The following TCEAL2 variants were observed in gnomAD, a reference collection of about 807,000 sequenced individuals.
TCEAL2 encodes transcription elongation factor A like 2, also known as transcription elongation factor A protein-like 2.
For synonymous variants in TCEAL2, 65 were observed against 57.9 expected, an observed-to-expected ratio of 1.12 and a Z score of -0.55; for missense variants, 169 against 166.6, an observed-to-expected ratio of 1.01 and a Z score of -0.08.
In TCEAL2 at chrX:102,126,422, G is replaced by A. The variant is rs150241369; in HGVS notation, c.-51G>A. 3,904 of 1,096,473 alleles carry A rather than the reference G, an allele frequency of 3.6e-3. 95 individuals are homozygous for A. The African/African-American group carries it at 0.064, about 18-fold the overall frequency. The allele number at this position is 1,096,473 out of a possible 1,213,427, so 90.4% of individuals were successfully genotyped here. A position where few individuals can be genotyped will look rare whatever the true frequency, so the allele number is the denominator to read the frequency against. ...GCTCTGAGAGGCCTGAAAAGGAAGA[G>A]CAACCTGTCCAGAATCCCCGCAGGT... On this transcript the variant is annotated 5_prime_UTR_variant, in exon 2 of 3. Transcript: ENST00000372780.
At position 102,127,452 on chromosome X, in the gene TCEAL2, A is replaced by G; in HGVS notation, c.622A>G (p.Arg208Gly). The G allele has an allele frequency of 8.3e-7, 1 of 1,200,254 alleles. No individual in the cohort carries two copies. The highest frequency in any genetic ancestry group is 1.1e-6 in the Non-Finnish European group (1 of 891,371). The change falls in exon 3 of 3, where the codon AGG (arginine) becomes GGG (glycine). Residue 208 changes from arginine to glycine, a missense_variant. Arg to Gly is a moderately radical substitution (Grantham distance 125). Coordinates refer to ENST00000372780, the MANE Select transcript of TCEAL2 (RefSeq NM_080390.4). ...LQDPFYPRGP[R>G]EFRGGCRAPR... ...GGACCCCTTCTATCCTAGGGGTCCAAGGGAATTCAGGGGTGGCTGCAGGGC... is the reference window on the plus strand; with the variant it reads ...GGACCCCTTCTATCCTAGGGGTCCAGGGGAATTCAGGGGTGGCTGCAGGGC...
chrX:102,126,149 G>C, intron 1 of TCEAL2: 1 of 339,040 alleles, frequency 2.9e-6, no homozygotes, highest in African/African-American at 2.6e-5. Context: ...ATGAGGTGGC[G>C]CTGGGGCAGG....
At chrX:102,125,898 G>C (rs1201571722) in intron 1 of TCEAL2, 92 bp downstream of exon 1, 1 of 108,399 alleles carries the variant, frequency 9.2e-6, no homozygotes, top group Non-Finnish European at 1.9e-5. Flanking sequence ...GAAGGGATCC[G>C]GTAGATTGGG....
Position 102,126,935 on chromosome X carries a change from T to G in TCEAL2, c.105T>G (p.Ile35Met). 1 of 1,211,906 alleles carries G rather than the reference T, an allele frequency of 8.3e-7. No homozygotes were observed. The highest frequency in any genetic ancestry group is 1.1e-6 in the Non-Finnish European group (1 of 895,492). ...AGGGAAAGCCAGAAGTAGCTTGTAT[T>G]CTGGAAGACAAGAAGTTAGAAAACG... ...PHEGKPEVAC[I>M]LEDKKLENEG... The change falls in exon 3 of 3, where the codon ATT becomes ATG. Residue 35 changes from isoleucine (I) to methionine (M), a missense_variant. Transcript: ENST00000372780.
In TCEAL2 at chrX:102,127,039, C is replaced by A; in HGVS notation, c.209C>A (p.Ala70Glu). Residue 70 changes from alanine (A) to glutamate (E), a missense_variant, in exon 3 of 3, where the codon GCA (alanine) becomes GAA (glutamate). Coordinates refer to ENST00000372780, the MANE Select transcript of TCEAL2 (RefSeq NM_080390.4). ...GAAAAGCCAGAGAGTGCGGGAAAGG[C>A]AAAAGGAGAAGGAAAGTCAGAGAGG... ...DKEKPESAGK[A>E]KGEGKSERKG... 1 of 1,202,299 alleles carries A rather than the reference C, an allele frequency of 8.3e-7. No individual in the cohort carries two copies. The highest frequency in any genetic ancestry group is 1.8e-5 in the South Asian group (1 of 56,006).
chrX:102,126,201 GA>G (rs1932891188), intron 1 of TCEAL2, 171 bp from the exon 2 acceptor site: 7 of 505,423 alleles, frequency 1.4e-5, no homozygotes, highest in South Asian at 5.1e-5. Flanking sequence ...ACGCAGTTTG[GA>G]AAGCATCCTG....
chrX:102,127,280 C>G lies in TCEAL2; in HGVS notation c.450C>G (p.Leu150=), dbSNP rs1194847565. The part of the protein sequence containing the change: ...RKTNKGLAQY[L]KQYKEAIHDM... ...CCAACAAGGGGCTGGCTCAGTACCT[C>G]AAGCAATATAAGGAAGCCATACATG... The change falls in exon 3 of 3, where the codon CTC becomes CTG. Residue 150 remains leucine (L), a synonymous_variant. Coordinates refer to ENST00000372780, the MANE Select transcript of TCEAL2 (RefSeq NM_080390.4). The G allele has an allele frequency of 8.3e-7, 1 of 1,211,326 alleles. No homozygotes were observed. Among genetic ancestry groups the G allele is most frequent in the East Asian group, 3.0e-5 (1 of 33,830 alleles).
At position 102,126,905 on chromosome X, in the gene TCEAL2, G is replaced by A. The variant is rs746511610; in HGVS notation, c.75G>A (p.Pro25=). 1.7e-6 allele frequency: 2 copies of A among 1,210,442 alleles called. No individual in the cohort carries two copies. Among genetic ancestry groups the A allele is most frequent in the African/African-American group, 1.7e-5 (1 of 57,400 alleles). ...AGATAGACAATGAAGAACAGCCACC[G>A]CACGAGGGAAAGCCAGAAGTAGCTT... ...QGKIDNEEQP[P]HEGKPEVACI... Residue 25 remains proline, a synonymous_variant, in exon 3 of 3, where the codon CCG becomes CCA. Coordinates refer to ENST00000372780, the MANE Select transcript of TCEAL2 (RefSeq NM_080390.4).
At chrX:102,126,096 T>C (rs1022384210) in intron 1 of TCEAL2, 1 of 223,257 alleles carries the variant, frequency 4.5e-6, no homozygotes, top group Non-Finnish European at 8.1e-6. Flanking sequence ...AAATAACCCC[T>C]TCTCACAATC....
rs1283127446 is a variant in TCEAL2 at position 102,126,324 on chromosome X, GA to G, written c.-100-48del. 10 of 928,852 alleles carry G rather than the reference GA, an allele frequency of 1.1e-5. No individual in the cohort carries two copies. In the African/African-American group the frequency reaches 1.6e-4, roughly 15 times the overall value. 76.5% of individuals were successfully genotyped at this position (928,852 alleles called of 1,213,427 possible). On this transcript the variant is annotated intron_variant, in intron 1 of 2. Transcript: ENST00000372780. ...TCAGGAAAGGGAACCGAGTCCCTGT[GA>G]GCCCGCTAAGCGCGCAGCCCCTGCC...
At position 102,127,059 on chromosome X, in the gene TCEAL2, G is replaced by C; in HGVS notation, c.229G>C (p.Glu77Gln). 8.4e-7 allele frequency: 1 copy of C among 1,196,748 alleles called. No individual in the cohort carries two copies. Among genetic ancestry groups the C allele is most frequent in the Admixed American group, 2.3e-5 (1 of 43,925 alleles). Residue 77 changes from glutamate (E) to glutamine (Q), a missense_variant, in exon 3 of 3, where the codon GAG becomes CAG. Physicochemically the swap from Glu to Gln is conservative, Grantham distance 29. Coordinates refer to ENST00000372780, the MANE Select transcript of TCEAL2 (RefSeq NM_080390.4). ...AGKAKGEGKS[E>Q]RKGKSEMQGG... is the part of the protein sequence containing the mutation. The stretch of plus-strand genomic sequence containing the variant: ...AAAGGCAAAAGGAGAAGGAAAGTCA[G>C]AGAGGAAGGGAAAGTCAGAGATGCA...
rs746599563 is a variant in TCEAL2, at chrX:102,127,362, G to C, written c.532G>C (p.Glu178Gln). The change falls in exon 3 of 3, where the codon GAG becomes CAG. Residue 178 changes from glutamate (E) to glutamine (Q), a missense_variant. Transcript: ENST00000372780. ...IREFDNMARV[E>Q]DKRRKSKQKL... is the part of the protein sequence containing the mutation. ...AGAATTTGACAACATGGCTAGGGTG[G>C]AGGATAAAAGGAGAAAAAGCAAACA... is the stretch of plus-strand genomic sequence containing the variant. 2.6e-5 allele frequency: 32 copies of C among 1,209,116 alleles called. No homozygotes were observed. The highest frequency in any genetic ancestry group is 3.5e-5 in the African/African-American group (2 of 57,078).
rs1351404631 is a variant in TCEAL2 at position 102,126,537 on chromosome X, TC to T, written c.-28+96del. Reference sequence around the variant, plus strand: ...AGGGCCGAATTGGGGCCCCTGCCCATCCCCTTACCTACATGAACACACACCT... The same window carrying T: ...AGGGCCGAATTGGGGCCCCTGCCCATCCCTTACCTACATGAACACACACCT... On this transcript the variant is annotated intron_variant, in intron 2 of 2. Transcript: ENST00000372780. 4 of 613,966 alleles carry T rather than the reference TC, an allele frequency of 6.5e-6. No homozygotes were observed. In the African/African-American group the frequency reaches 9.0e-5, roughly 14 times the overall value. 50.6% of individuals were successfully genotyped at this position (613,966 alleles called of 1,213,427 possible). A position where few individuals can be genotyped will look rare whatever the true frequency, so the allele number is the denominator to read the frequency against.
Position 102,126,883 on chromosome X carries a change from T to TAGACAATGAAGAACAGCCACC in TCEAL2, c.54_74dup (p.Asp19_Pro25dup), listed in dbSNP as rs763429566. 1.2e-5 allele frequency: 15 copies of TAGACAATGAAGAACAGCCACC among 1,208,534 alleles called. No homozygotes were observed. The highest frequency in any genetic ancestry group is 1.6e-5 in the Non-Finnish European group (14 of 894,899). On this transcript the variant is annotated inframe_insertion, in exon 3 of 3. Coordinates refer to ENST00000372780, the MANE Select transcript of TCEAL2 (RefSeq NM_080390.4). The stretch of plus-strand genomic sequence containing the variant: ...GGAATGCCTTCGAATCAAGGAAAGA[T>TAGACAATGAAGAACAGCCACC]AGACAATGAAGAACAGCCACCGCAC...
Position 102,127,673 on chromosome X carries a change from C to T in TCEAL2, c.*159C>T, listed in dbSNP as rs1213777020. On this transcript the variant is annotated 3_prime_UTR_variant, in exon 3 of 3. Coordinates refer to ENST00000372780, the MANE Select transcript of TCEAL2 (RefSeq NM_080390.4). The stretch of plus-strand genomic sequence containing the variant: ...TTTTCACACATGTGCATTGCAGAGA[C>T]GTCATGATTCGTGGAAAAATAAAGC... The T allele has an allele frequency of 2.1e-6, 1 of 486,251 alleles. No individual in the cohort carries two copies. Among genetic ancestry groups the T allele is most frequent in the Non-Finnish European group, 3.1e-6 (1 of 317,980 alleles). The allele number at this position is 486,251 out of a possible 1,213,427, so 40.1% of individuals were successfully genotyped here.
chrX:102,127,492 C>G lies in TCEAL2; in HGVS notation c.662C>G (p.Thr221Ser), dbSNP rs374962229. The G allele has an allele frequency of 2.5e-6, 3 of 1,177,275 alleles. No individual in the cohort carries two copies. Among genetic ancestry groups the G allele is most frequent in the African/African-American group, 3.6e-5 (2 of 55,431 alleles). Reference protein sequence around the residue: ...RGGCRAPRRDTEDIPYV With the variant: ...RGGCRAPRRDSEDIPYV ...GGCTGCAGGGCCCCACGAAGGGACA[C>G]TGAAGACATTCCTTATGTGTAGTGT... is the stretch of plus-strand genomic sequence containing the variant. Residue 221 changes from threonine to serine, a missense_variant, in exon 3 of 3, where the codon ACT (threonine) becomes AGT (serine). By Grantham distance (58) the Thr-to-Ser change is moderately conservative (BLOSUM62 1). Coordinates refer to ENST00000372780, the MANE Select transcript of TCEAL2 (RefSeq NM_080390.4).
chrX:102,126,096 T>A (rs1022384210), intron 1 of TCEAL2: 2 of 223,259 alleles, frequency 9.0e-6, no homozygotes, highest in Non-Finnish European at 1.6e-5. Flanking sequence ...AAATAACCCC[T>A]TCTCACAATC....
In TCEAL2 at chrX:102,127,336, G is replaced by A; in HGVS notation, c.506G>A (p.Arg169Lys). The stretch of plus-strand genomic sequence containing the variant: ...AATTTCAGCAATGAGGACATGATAA[G>A]AGAATTTGACAACATGGCTAGGGTG... The part of the protein sequence containing the change: ...DMNFSNEDMI[R>K]EFDNMARVED... The change falls in exon 3 of 3, where the codon AGA (arginine) becomes AAA (lysine). Residue 169 changes from arginine (R) to lysine (K), a missense_variant. By Grantham distance (26) the Arg-to-Lys change is conservative. Coordinates refer to ENST00000372780, the MANE Select transcript of TCEAL2 (RefSeq NM_080390.4). 8.3e-7 allele frequency: 1 copy of A among 1,211,253 alleles called. No homozygotes were observed. The highest frequency in any genetic ancestry group is 1.8e-5 in the South Asian group (1 of 56,777).
rs185783343 is a variant in TCEAL2 at position 102,127,558 on chromosome X, G to A, written c.*44G>A. On this transcript the variant is annotated 3_prime_UTR_variant, in exon 3 of 3. Transcript: ENST00000372780. ...GTCAGGCCATATGTTTTAACCTTAT[G>A]GTAATACTTTGCTTTAGTCGTTCCT... The A allele has an allele frequency of 8.9e-7, 1 of 1,120,398 alleles. No homozygotes were observed. The highest frequency in any genetic ancestry group is 1.8e-5 in the African/African-American group (1 of 54,747). 92.3% of individuals were successfully genotyped at this position (1,120,398 alleles called of 1,213,427 possible).
Sources: allele counts gnomAD v4.1 joint callset, GRCh38; gene constraint gnomAD v4.1.1; transcripts MANE v1.5; gene names NCBI Gene and HGNC (gene_info 2026-07-23, HGNC 2026-07-21).